The following TK2 variants were observed in gnomAD, a reference collection of about 807,000 sequenced individuals.
The protein encoded by TK2 is thymidine kinase 2, mitochondrial.
In TK2, 35 loss-of-function variants were observed where a neutral mutation model predicts 41.9. The observed-to-expected ratio is 0.84, with a 90% CI of 0.64 to 1.11. TK2 has a LOEUF of 1.11. TK2 is among the 50% of genes least tolerant of loss of function. TK2 has a pLI of 0.00. For missense variants in TK2, 320 were observed against 351.1 expected (o/e 0.91, Z 0.71); for synonymous variants, 128 against 129.1 (o/e 0.99, Z 0.06).
chr16:66,514,451 C>T lies in TK2; in HGVS notation c.619-640G>A, dbSNP rs967209785. Among the ~76,000 whole-genome samples the T allele has an allele frequency of 2.0e-5, 3 of 152,206 alleles. No homozygotes were observed. Among genetic ancestry groups the T allele is most frequent in the Non-Finnish European group, 4.4e-5 (3 of 68,022 alleles). On this transcript the variant is annotated intron_variant, in intron 8 of 9. Coordinates refer to ENST00000544898, the MANE Select transcript of TK2 (RefSeq NM_004614.5). The surrounding 1 kb of genome is among the most constrained non-coding windows in gnomAD (Gnocchi z 4.2). ...TGTTGCCCAGGCTGGAGTGCAGTGG[C>T]GTGATCTCGGCTCGCTACAACCTCC...
In TK2 at chr16:66,520,467, G is replaced by A. The variant is rs138070688; in HGVS notation, c.450-2590C>T. 5.9e-3 allele frequency among the ~76,000 whole-genome samples: 904 copies of A among 152,308 alleles called. 10 individuals carry two copies. Among genetic ancestry groups the A allele is most frequent in the Non-Finnish European group, 8.4e-3 (568 of 68,018 alleles). On this transcript the variant is annotated intron_variant, in intron 6 of 9. Coordinates refer to ENST00000544898, the MANE Select transcript of TK2 (RefSeq NM_004614.5). ...CAATGCGTTCAGGAAGCCAAGCTAAGTCAATCAGTGCAGGGCCTCCCCCAG... is the reference window on the plus strand; with the variant it reads ...CAATGCGTTCAGGAAGCCAAGCTAAATCAATCAGTGCAGGGCCTCCCCCAG...
At chr16:66,534,654 A>G (rs1235139122) in intron 4 of TK2, among the ~76,000 whole-genome samples, 2 of 152,172 alleles carry the variant, frequency 1.3e-5, no homozygotes, top group East Asian at 1.9e-4. Context: ...CTTCATCCAG[A>G]TATCTGCAGT....
intron 4 of TK2, among the ~76,000 whole-genome samples, chr16:66,532,974 A>T (rs960552371): frequency 1.3e-5 from 2 of 152,170 alleles, no homozygotes; most frequent in Admixed American, 6.5e-5. Context: ...GCCTGACTTC[A>T]TAACTGTTCT....
intron 6 of TK2, among the ~76,000 whole-genome samples, chr16:66,527,339 A>G (rs1964965347): frequency 6.6e-6 from 1 of 152,184 alleles, no homozygotes; most frequent in Non-Finnish European, 1.5e-5. Flanking sequence ...GGGGGGTGAC[A>G]CAGGCTCAAA....
intron 4 of TK2, among the ~76,000 whole-genome samples, chr16:66,536,227 G>C (rs1965275703): frequency 6.6e-6 from 1 of 151,102 alleles, no homozygotes; most frequent in Non-Finnish European, 1.5e-5. Flanking sequence ...AAAATCACAG[G>C]GCAGCACAGG....
chr16:66,539,703 A>G (rs1291750097), intron 3 of TK2, among the ~76,000 whole-genome samples: 1 of 152,216 alleles, frequency 6.6e-6, no homozygotes, highest in East Asian at 1.9e-4. Context: ...CAAGCTTCCA[A>G]GGGTCCTCTC....
intron 2 of TK2, among the ~76,000 whole-genome samples, chr16:66,542,402 G>A (rs1001485637): frequency 6.6e-6 from 1 of 152,106 alleles, no homozygotes; most frequent in Non-Finnish European, 1.5e-5. Flanking sequence ...GTCACTGACT[G>A]GAAACCATTA....
At chr16:66,524,543 G>A (rs1019228786) in intron 6 of TK2, among the ~76,000 whole-genome samples, 2 of 152,026 alleles carry the variant, frequency 1.3e-5, no homozygotes, top group African/African-American at 4.8e-5. Context: ...TTACTTTGTT[G>A]CCCAGGCTGG....
At chr16:66,516,978 C>G (rs564099518) in intron 8 of TK2, among the ~76,000 whole-genome samples, 158 bp downstream of exon 8, 4 of 152,068 alleles carry the variant, frequency 2.6e-5, no homozygotes, top group African/African-American at 9.7e-5. Flanking sequence ...TCTGGCCAAA[C>G]AGGAAGTCAG....
In TK2 at chr16:66,517,990, A is replaced by G; in HGVS notation, c.450-113T>C. The G allele has an allele frequency of 2.3e-6, 2 of 863,586 alleles. No homozygotes were observed. The highest frequency in any genetic ancestry group is 1.6e-5 in the African/African-American group (1 of 60,668). 53.5% of individuals were successfully genotyped at this position (863,586 alleles called of 1,614,324 possible). A position where few individuals can be genotyped will look rare whatever the true frequency, so the allele number is the denominator to read the frequency against. The stretch of plus-strand genomic sequence containing the variant: ...AATGAAAGGAGTCACCAAGGGTACC[A>G]GGGCACAGTGTGATCCGTGCAATAC... On this transcript the variant is annotated intron_variant, in intron 6 of 9. Coordinates refer to ENST00000544898, the MANE Select transcript of TK2 (RefSeq NM_004614.5). This position sits in a 1 kb window ranked among gnomAD's most constrained non-coding sequence, Gnocchi z 4.3.
At chr16:66,529,813 G>A (rs763593295) in intron 5 of TK2, among the ~76,000 whole-genome samples, 5 of 152,092 alleles carry the variant, frequency 3.3e-5, no homozygotes, top group Non-Finnish European at 5.9e-5. Flanking sequence ...TCTCCCTGCT[G>A]TCCCTCTGTC....
intron 6 of TK2, among the ~76,000 whole-genome samples, chr16:66,526,549 A>G (rs1964937768): frequency 1.3e-5 from 2 of 152,214 alleles, no homozygotes; most frequent in Non-Finnish European, 2.9e-5. Flanking sequence ...CAGGAGTTTG[A>G]GACCAGCCTG....
At chr16:66,524,474 T>C (rs1811473396) in intron 6 of TK2, among the ~76,000 whole-genome samples, 1 of 152,172 alleles carries the variant, frequency 6.6e-6, no homozygotes, top group Non-Finnish European at 1.5e-5. Flanking sequence ...TAGCTGGGAC[T>C]ACAGATGTGC....
chr16:66,510,565 T>C lies in TK2; in HGVS notation c.*1403A>G, dbSNP rs886052204. The C allele has an allele frequency of 6.6e-6, 1 of 152,216 alleles. No individual in the cohort carries two copies. The highest frequency in any genetic ancestry group is 1.5e-5 in the Non-Finnish European group (1 of 68,082). 9.4% of individuals were successfully genotyped at this position (152,216 alleles called of 1,614,324 possible). On this transcript the variant is annotated 3_prime_UTR_variant, in exon 10 of 10. Coordinates refer to ENST00000544898, the MANE Select transcript of TK2 (RefSeq NM_004614.5). The stretch of plus-strand genomic sequence containing the variant: ...ACCTCTGCAGAGTCGGAGCATTGCA[T>C]GCACAGGTGCCCACACTCACAGGGG...
chr16:66,515,384 A>G (rs1018071470), intron 8 of TK2, among the ~76,000 whole-genome samples: 1 of 152,188 alleles, frequency 6.6e-6, no homozygotes. Context: ...GACTATAAAG[A>G]CCACCAACTG....
chr16:66,531,153 A>T lies in TK2; in HGVS notation c.375+227T>A, dbSNP rs78005554. The stretch of plus-strand genomic sequence containing the variant: ...CAGGTCATAAAGATGTGAGCTCAGA[A>T]TGGTGGCAGGGGCACCACCTGGCTG... On this transcript the variant is annotated intron_variant, in intron 5 of 9. Transcript: ENST00000544898. Among the ~76,000 whole-genome samples, 7,608 of 152,238 alleles carry T rather than the reference A, an allele frequency of 0.05. 622 individuals carry two copies. Among genetic ancestry groups the T allele is most frequent in the African/African-American group, 0.17 (7,156 of 41,500 alleles).
At chr16:66,549,533 C>T (rs984289858) in intron 1 of TK2, 3 of 1,045,014 alleles carry the variant, frequency 2.9e-6, no homozygotes, top group African/African-American at 3.4e-5. Flanking sequence ...CCAGGGAGGG[C>T]AGGAGAGCGC....
chr16:66,521,578 G>A (rs1185778145), intron 6 of TK2, among the ~76,000 whole-genome samples: 2 of 152,202 alleles, frequency 1.3e-5, no homozygotes, highest in Non-Finnish European at 1.5e-5. Flanking sequence ...AATGACCAGT[G>A]TCTGAGCTGA....
chr16:66,532,510 C>T (rs1277434501), intron 4 of TK2, among the ~76,000 whole-genome samples: 1 of 151,914 alleles, frequency 6.6e-6, no homozygotes, highest in African/African-American at 2.4e-5. Flanking sequence ...GAGGCTGAGA[C>T]ATGAGAATCG....
Sources: gnomAD v4.1 joint callset for allele counts (sites outside exome capture counted in the v4.1 genomes callset) on GRCh38, gnomAD v4.1.1 for gene constraint, Gnocchi (gnomAD v3.1) non-coding constraint, MANE v1.5 for transcripts, NCBI Gene and HGNC (gene_info 2026-07-23, HGNC 2026-07-21) for gene names.